The following OR13A1 variants were observed in gnomAD, a reference collection of about 807,000 sequenced individuals.
OR13A1 encodes the protein olfactory receptor 13A1.
Under a neutral mutation model 7.5 loss-of-function variants are expected in OR13A1, and 10 were observed. That is an observed-to-expected ratio of 1.34 (90% CI 0.83 to 2.27). The LOEUF is 2.27. Ranked by LOEUF, OR13A1 falls within the 30% of genes most tolerant of loss-of-function variation. The probability of loss-of-function intolerance (pLI) is 0.00; values close to 1 mark genes in which losing one functional copy is unlikely to be tolerated. For missense variants in OR13A1, 509 were observed against 419.1 expected, an observed-to-expected ratio of 1.21 and a Z score of -1.87; for synonymous variants, 238 against 177.9, an observed-to-expected ratio of 1.34 and a Z score of -2.69.
intron 1 of OR13A1, among the ~76,000 whole-genome samples, chr10:45,313,638 A>G (rs1441275643): frequency 6.6e-6 from 1 of 152,136 alleles, no homozygotes; most frequent in Admixed American, 6.6e-5. Flanking sequence ...ATCCAACAAA[A>G]TAGACTTAAA....
rs1301407186 is a variant in OR13A1, at chr10:45,302,693, AG to A, written c.*742del. ...CACAAGCACAAGACCTGTCTTTATT[AG>A]ACACAGAGGATTCGTTCACCCAGTT... is the stretch of plus-strand genomic sequence containing the variant. On this transcript the variant is annotated 3_prime_UTR_variant, in exon 4 of 4. Transcript: ENST00000553795. 3 of 152,200 alleles carry A rather than the reference AG, an allele frequency of 2.0e-5. No homozygotes were observed. The highest frequency in any genetic ancestry group is 2.9e-5 in the Non-Finnish European group (2 of 68,032). The allele number at this position is 152,200 out of a possible 1,614,324, so 9.4% of individuals were successfully genotyped here. A position where few individuals can be genotyped will look rare whatever the true frequency, so the allele number is the denominator to read the frequency against.
At chr10:45,312,838 A>G (rs531148249) in intron 1 of OR13A1, among the ~76,000 whole-genome samples, 79 of 152,264 alleles carry the variant, frequency 5.2e-4, no homozygotes, top group African/African-American at 1.9e-3. Flanking sequence ...TCCTTCAAAC[A>G]TAAAGGAAAA....
intron 1 of OR13A1, among the ~76,000 whole-genome samples, chr10:45,310,062 CA>C (rs1302593193): frequency 2.9e-4 from 44 of 152,076 alleles, no homozygotes; most frequent in Non-Finnish European, 6.5e-4. Context: ...ATAATTATTC[CA>C]AAAAATTCTG....
chr10:45,303,896 A>T lies in OR13A1; in HGVS notation c.527T>A (p.Ile176Asn). 6.2e-7 allele frequency: 1 copy of T among 1,613,554 alleles called. No individual in the cohort carries two copies. The highest frequency in any genetic ancestry group is 2.2e-5 in the East Asian group (1 of 44,878). The change falls in exon 4 of 4, where the codon ATC becomes AAC. Residue 176 changes from isoleucine to asparagine, a missense_variant. Ile to Asn is a moderately radical substitution (Grantham distance 149). Coordinates refer to ENST00000553795, the MANE Select transcript of OR13A1 (RefSeq NM_001004297.3). Reference sequence around the variant, plus strand: ...CAAGCGCAGCATCAGCCCCGTGTGGATGGCCGTGTTGACGGCGCAGAGCAG... The same window carrying T: ...CAAGCGCAGCATCAGCCCCGTGTGGTTGGCCGTGTTGACGGCGCAGAGCAG... The part of the protein sequence containing the change: ...VWLLCAVNTA[I>N]HTGLMLRLDF...
chr10:45,312,929 AG>A (rs1838468325), intron 1 of OR13A1, among the ~76,000 whole-genome samples: 2 of 152,106 alleles, frequency 1.3e-5, no homozygotes, highest in South Asian at 4.1e-4. Context: ...TTGAAACAAA[AG>A]GATGCTAAAT....
chr10:45,307,792 C>T lies in OR13A1; in HGVS notation c.-208G>A, dbSNP rs528697222. ...GGTTATTTTCCACATTTATCAAACCCTTGGGCACTCAAGCTTCTGAAGGGG... is the reference window on the plus strand; with the variant it reads ...GGTTATTTTCCACATTTATCAAACCTTTGGGCACTCAAGCTTCTGAAGGGG... On this transcript the variant is annotated 5_prime_UTR_variant, in exon 2 of 4. Transcript: ENST00000553795. The T allele has an allele frequency of 1.3e-5, 2 of 152,314 alleles. No homozygotes were observed. Among genetic ancestry groups the T allele is most frequent in the African/African-American group, 4.8e-5 (2 of 41,564 alleles). 9.4% of individuals were successfully genotyped at this position (152,314 alleles called of 1,614,324 possible). A position where few individuals can be genotyped will look rare whatever the true frequency, so the allele number is the denominator to read the frequency against.
chr10:45,314,964 T>C (rs72784588), intron 1 of OR13A1, among the ~76,000 whole-genome samples: 28,377 of 151,960 alleles, frequency 0.19, 4,042 homozygotes, highest in African/African-American at 0.4. Context: ...CTACCAAACA[T>C]TTAAGGAAGA....
intron 1 of OR13A1, among the ~76,000 whole-genome samples, chr10:45,311,496 G>A (rs750806367): frequency 3.4e-4 from 51 of 152,168 alleles, no homozygotes; most frequent in African/African-American, 1.1e-3. Context: ...TCCATATTGC[G>A]ACAGGGTCTT....
At chr10:45,311,499 AG>A (rs1282205340) in intron 1 of OR13A1, among the ~76,000 whole-genome samples, 1 of 152,206 alleles carries the variant, frequency 6.6e-6, no homozygotes, top group Non-Finnish European at 1.5e-5. Context: ...ATATTGCGAC[AG>A]GGTCTTGATA....
In OR13A1 at chr10:45,304,172, A is replaced by T; in HGVS notation, c.251T>A (p.Leu84Ter). ...GGTGCAGATAATGTCCATAGTAGCC[A>T]AGTTGAGTAAGAAAAAGTACATAGG... The part of the protein sequence containing the change: ...HAPMYFFLLN[L>*]ATMDIICTSS... Residue 84 changes from leucine to a stop codon, truncating the protein, a stop_gained, in exon 4 of 4, where the codon TTG (leucine) becomes TAG (stop). Transcript: ENST00000553795. LOFTEE classifies it high-confidence loss of function. 1 of 1,614,230 alleles carries T rather than the reference A, an allele frequency of 6.2e-7. No individual in the cohort carries two copies. The highest frequency in any genetic ancestry group is 8.5e-7 in the Non-Finnish European group (1 of 1,180,036).
In OR13A1 at chr10:45,304,340, G is replaced by T. The variant is rs1480657367; in HGVS notation, c.83C>A (p.Thr28Asn). 1.9e-6 allele frequency: 3 copies of T among 1,614,162 alleles called. No individual in the cohort carries two copies. Among genetic ancestry groups the T allele is most frequent in the Non-Finnish European group, 2.5e-6 (3 of 1,180,022 alleles). ...CGAAAAGCCCTGCAGGATGAACTCG[G>T]TTACCAACGTCTGGTTACTCATCAT... ...PRMMSNQTLVTEFILQGFSEH... is the reference protein window; with the variant it reads ...PRMMSNQTLVNEFILQGFSEH... The change falls in exon 4 of 4, where the codon ACC becomes AAC. Residue 28 changes from threonine to asparagine, a missense_variant. Physicochemically the swap from Thr to Asn is moderately conservative, Grantham distance 65. Transcript: ENST00000553795.
rs746283748 is a variant in OR13A1 at position 45,303,686 on chromosome 10, A to C, written c.737T>G (p.Val246Gly). Residue 246 changes from valine to glycine, a missense_variant, in exon 4 of 4, where the codon GTG becomes GGG. Transcript: ENST00000553795. ...YGFIVSSILK[V>G]KTAWGRQKAF... ...TTTCTGCCTCCCCCAGGCAGTCTTC[A>C]CCTTCAGGATGCTGGAGACGATGAA... 44 of 1,614,072 alleles carry C rather than the reference A, an allele frequency of 2.7e-5. No individual in the cohort carries two copies. The highest frequency in any genetic ancestry group is 3.6e-5 in the Non-Finnish European group (43 of 1,180,046).
At chr10:45,314,368 A>T (rs574755007) in intron 1 of OR13A1, among the ~76,000 whole-genome samples, 9 of 151,846 alleles carry the variant, frequency 5.9e-5, no homozygotes, top group African/African-American at 2.2e-4. Context: ...AGGCTGAGGG[A>T]GGAGAACTTC....
At position 45,304,360 on chromosome 10, in the gene OR13A1, C is replaced by T; in HGVS notation, c.63G>A (p.Met21Ile). Reference sequence around the variant, plus strand: ...ACTCGGTTACCAACGTCTGGTTACTCATCATCCTTGGGCTGGGACGGGTTT... The same window carrying T: ...ACTCGGTTACCAACGTCTGGTTACTTATCATCCTTGGGCTGGGACGGGTTT... ...VPETRPSPRMMSNQTLVTEFI... is the reference protein window; with the variant it reads ...VPETRPSPRMISNQTLVTEFI... The change falls in exon 4 of 4, where the codon ATG becomes ATA. Residue 21 changes from methionine (M) to isoleucine (I), a missense_variant. Physicochemically the swap from Met to Ile is conservative, Grantham distance 10. Coordinates refer to ENST00000553795, the MANE Select transcript of OR13A1 (RefSeq NM_001004297.3). 6.2e-7 allele frequency: 1 copy of T among 1,614,120 alleles called. No individual in the cohort carries two copies. The highest frequency in any genetic ancestry group is 8.5e-7 in the Non-Finnish European group (1 of 1,180,012).
Position 45,303,908 on chromosome 10 carries a change from AC to A in OR13A1, c.514del (p.Val172SerfsTer9). The A allele has an allele frequency of 6.2e-7, 1 of 1,613,604 alleles. No individual in the cohort carries two copies. Among genetic ancestry groups the A allele is most frequent in the Non-Finnish European group, 8.5e-7 (1 of 1,180,026 alleles). On this transcript the variant is annotated frameshift_variant, in exon 4 of 4. Transcript: ENST00000553795. LOFTEE classifies it low-confidence loss of function (END_TRUNC). ...CAGCCCCGTGTGGATGGCCGTGTTGACGGCGCAGAGCAGCCACACGGCTGTG... is the reference window on the plus strand; with the variant it reads ...CAGCCCCGTGTGGATGGCCGTGTTGAGGCGCAGAGCAGCCACACGGCTGTG... ...LATAVWLLCA[V>X]NTAIHTGLML... is the part of the protein sequence containing the mutation.
chr10:45,304,394 A>T lies in OR13A1; in HGVS notation c.29T>A (p.Ile10Lys), dbSNP rs774142692. ...TGGGCTGGGACGGGTTTCTGGGACT[A>T]TCAGGTGACTCTCCATCCACAGCTT... Reference protein sequence around the residue: MKLWMESHLIVPETRPSPRM... With the variant: MKLWMESHLKVPETRPSPRM... Residue 10 changes from isoleucine to lysine, a missense_variant, in exon 4 of 4, where the codon ATA becomes AAA. Coordinates refer to ENST00000553795, the MANE Select transcript of OR13A1 (RefSeq NM_001004297.3). 8 of 1,613,454 alleles carry T rather than the reference A, an allele frequency of 5.0e-6. No homozygotes were observed. Among genetic ancestry groups the T allele is most frequent in the Non-Finnish European group, 6.8e-6 (8 of 1,179,894 alleles).
chr10:45,304,377 G>A lies in OR13A1; in HGVS notation c.46C>T (p.Pro16Ser), dbSNP rs1303956612. 2 of 1,614,030 alleles carry A rather than the reference G, an allele frequency of 1.2e-6. No homozygotes were observed. Among genetic ancestry groups the A allele is most frequent in the East Asian group, 2.2e-5 (1 of 44,886 alleles). ...ESHLIVPETR[P>S]SPRMMSNQTL... Reference sequence around the variant, plus strand: ...TGGTTACTCATCATCCTTGGGCTGGGACGGGTTTCTGGGACTATCAGGTGA... The same window carrying A: ...TGGTTACTCATCATCCTTGGGCTGGAACGGGTTTCTGGGACTATCAGGTGA... Residue 16 changes from proline (P) to serine (S), a missense_variant, in exon 4 of 4, where the codon CCC becomes TCC. Physicochemically the swap from Pro to Ser is moderately conservative, Grantham distance 74. Coordinates refer to ENST00000553795, the MANE Select transcript of OR13A1 (RefSeq NM_001004297.3).
At chr10:45,305,353 G>A (rs1235270031) in intron 3 of OR13A1, among the ~76,000 whole-genome samples, 1 of 152,030 alleles carries the variant, frequency 6.6e-6, no homozygotes, top group African/African-American at 2.4e-5. Context: ...CACTGATATT[G>A]AGGATAGTGA....
At chr10:45,313,582 G>C (rs1339906599) in intron 1 of OR13A1, among the ~76,000 whole-genome samples, 1 of 151,914 alleles carries the variant, frequency 6.6e-6, no homozygotes, top group African/African-American at 2.4e-5. Context: ...AAAAGTAAAT[G>C]CCATGCAAAT....
Sources: gnomAD v4.1 joint callset for allele counts (sites outside exome capture counted in the v4.1 genomes callset) on GRCh38, gnomAD v4.1.1 for gene constraint, MANE v1.5 for transcripts, NCBI Gene and HGNC (gene_info 2026-07-23, HGNC 2026-07-21) for gene names.